The following WDPCP variants were observed in gnomAD, a reference collection of about 807,000 sequenced individuals.
The protein encoded by WDPCP is WD repeat containing planar cell polarity effector.
A neutral mutation model predicts 93.1 loss-of-function variants in WDPCP; 71 were observed. The observed-to-expected ratio is 0.76, with a 90% CI of 0.63 to 0.93. The LOEUF is 0.93. Ranked by LOEUF, WDPCP falls within the 40% of genes least tolerant of loss-of-function variation. The probability of loss-of-function intolerance (pLI) is 0.00; values close to 1 mark genes in which losing one functional copy is unlikely to be tolerated. For synonymous variants in WDPCP, 315 were observed against 315.0 expected, an observed-to-expected ratio of 1.00 and a Z score of 0.00; for missense variants, 844 against 887.4, an observed-to-expected ratio of 0.95 and a Z score of 0.62.
At position 63,439,762 on chromosome 2, in the gene WDPCP, C is replaced by A; in HGVS notation, c.494G>T (p.Ser165Ile). ...LVGKLISDTI[S>I]DALLTDSFII... The stretch of plus-strand genomic sequence containing the variant: ...TTGCACATGGGGGTAATTACCATCA[C>A]TGATGGTGTCTGAGATGAGCTTCCC... The change falls in exon 7 of 18, where the codon AGT becomes ATT. Residue 165 changes from serine to isoleucine, a missense_variant. Coordinates refer to ENST00000272321, the MANE Select transcript of WDPCP (RefSeq NM_015910.7). The A allele has an allele frequency of 6.2e-7, 1 of 1,611,392 alleles. No individual in the cohort carries two copies. Among genetic ancestry groups the A allele is most frequent in the East Asian group, 2.2e-5 (1 of 44,850 alleles).
chr2:63,374,763 TAA>T (rs1419890252), intron 12 of WDPCP, among the ~76,000 whole-genome samples: 1 of 152,178 alleles, frequency 6.6e-6, no homozygotes, highest in Non-Finnish European at 1.5e-5. Flanking sequence ...AGAGCAAAGT[TAA>T]AAGATTATCT....
At chr2:63,731,172 G>C (rs151286189) in intron 2 of WDPCP, among the ~76,000 whole-genome samples, 1 of 151,854 alleles carries the variant, frequency 6.6e-6, no homozygotes, top group African/African-American at 2.4e-5. Flanking sequence ...GGGAGGCTGA[G>C]GCAGGAGAAT....
rs545799321 is a variant in WDPCP, at chr2:63,676,716, C to T, written n.309-25878G>A. ...TATAAAGGAATAACACAGGGAGTGA[C>T]GGTATAGTTGAGTATCTCATTTGTG... On this transcript the variant is annotated intron_variant and non_coding_transcript_variant, in intron 2 of 4. Transcript: ENST00000467687. Among the ~76,000 whole-genome samples, 10 of 152,042 alleles carry T rather than the reference C, an allele frequency of 6.6e-5. No homozygotes were observed. In the South Asian group the frequency reaches 1.0e-3, roughly 16 times the overall value.
At chr2:63,527,699 T>C (rs2106207162) in intron 1 of WDPCP, among the ~76,000 whole-genome samples, 1 of 152,226 alleles carries the variant, frequency 6.6e-6, no homozygotes, top group South Asian at 2.1e-4. Flanking sequence ...TGTGTCTTTA[T>C]AGCAGCATGA....
At chr2:63,677,149 G>A (rs765646712) in intron 2 of WDPCP, among the ~76,000 whole-genome samples, 7 of 152,170 alleles carry the variant, frequency 4.6e-5, no homozygotes, top group Admixed American at 3.3e-4. Context: ...AACCAGTATT[G>A]AGAACCACTG....
intron 2 of WDPCP, among the ~76,000 whole-genome samples, chr2:63,791,162 C>T (rs1000437098): frequency 2.0e-5 from 3 of 152,088 alleles, no homozygotes; most frequent in Admixed American, 6.6e-5. Context: ...ATCATTTAGC[C>T]CCACATATAA....
intron 1 of WDPCP, among the ~76,000 whole-genome samples, chr2:63,824,537 C>CAAAAA (rs70965144): frequency 1.2e-5 from 1 of 85,322 alleles, no homozygotes; most frequent in Non-Finnish European, 2.1e-5. Flanking sequence ...GACCATGTTT[C>CAAAAA]AAAAAAAAAA....
At chr2:63,802,281 TAAAAAAAAAAAAAAAAAAAAA>T (rs58717654) in intron 2 of WDPCP, among the ~76,000 whole-genome samples, 25 of 54,408 alleles carry the variant, frequency 4.6e-4, no homozygotes, top group Non-Finnish European at 5.2e-4. Flanking sequence ...CCCTCTCTCT[TAAAAAAAAAAAAAAAAAAAAA>T]AAAAAAAAAA....
chr2:63,608,624 CA>C (rs1709580118), intron 3 of WDPCP, among the ~76,000 whole-genome samples: 1 of 151,938 alleles, frequency 6.6e-6, no homozygotes, highest in African/African-American at 2.4e-5. Context: ...GCCTGGGCAA[CA>C]AAACAAGACC....
intron 14 of WDPCP, among the ~76,000 whole-genome samples, chr2:63,256,414 A>G (rs1681153811): frequency 6.6e-6 from 1 of 152,126 alleles, no homozygotes; most frequent in South Asian, 2.1e-4. Flanking sequence ...TACCTTTTCC[A>G]CCGGAATGGC....
chr2:63,348,427 A>ATTCT (rs1427904034), intron 12 of WDPCP, among the ~76,000 whole-genome samples: 1 of 152,218 alleles, frequency 6.6e-6, no homozygotes, highest in Non-Finnish European at 1.5e-5. Flanking sequence ...TAGAGGGGCT[A>ATTCT]TTCTTAATTA....
chr2:63,212,954 A>G (rs1676962382), intron 14 of WDPCP, among the ~76,000 whole-genome samples: 1 of 152,224 alleles, frequency 6.6e-6, no homozygotes, highest in African/African-American at 2.4e-5. Flanking sequence ...CCAGTACAGG[A>G]GCACCCAGAT....
In WDPCP at chr2:63,717,493, C is replaced by T. The variant is rs1436047867; in HGVS notation, n.309-66655G>A. On this transcript the variant is annotated intron_variant and non_coding_transcript_variant, in intron 2 of 4. Transcript: ENST00000467687. ...GGGCGGCAAAGATGTGTCAGATGAG[C>T]ATTTAAGAGAATACATCTCGAACAA... 3 of 426,178 alleles carry T rather than the reference C, an allele frequency of 7.0e-6. No homozygotes were observed. The East Asian group carries it at 1.8e-4, about 26-fold the overall frequency. The allele number at this position is 426,178 out of a possible 1,614,324, so 26.4% of individuals were successfully genotyped here. A position where few individuals can be genotyped will look rare whatever the true frequency, so the allele number is the denominator to read the frequency against.
intron 14 of WDPCP, among the ~76,000 whole-genome samples, chr2:63,213,047 A>G (rs1037919106): frequency 2.0e-5 from 3 of 152,228 alleles, no homozygotes; most frequent in Non-Finnish European, 4.4e-5. Context: ...CCCCACTGTC[A>G]ACATTAGACA....
In WDPCP at chr2:63,809,737, A is replaced by G. The variant is rs1670833565; in HGVS notation, n.308+3885T>C. 4.6e-5 allele frequency among the ~76,000 whole-genome samples: 7 copies of G among 151,604 alleles called. No homozygotes were observed. In the South Asian group the frequency reaches 1.3e-3, roughly 27 times the overall value. ...AGCATGCTCGTTAAGAGTCATCACC[A>G]CTCCCTAATCTCAAGGACCCAGGGA... On this transcript the variant is annotated intron_variant and non_coding_transcript_variant, in intron 2 of 4. Coordinates refer to the WDPCP transcript ENST00000467687.
intron 13 of WDPCP, among the ~76,000 whole-genome samples, chr2:63,312,732 G>T (rs904353623): frequency 4.6e-5 from 7 of 152,088 alleles, no homozygotes; most frequent in Admixed American, 3.9e-4. Flanking sequence ...CTAATAAATG[G>T]GAGGGCCAGA....
chr2:63,383,377 A>G (rs1430167151), intron 10 of WDPCP, among the ~76,000 whole-genome samples: 1 of 152,178 alleles, frequency 6.6e-6, no homozygotes, highest in Non-Finnish European at 1.5e-5. Context: ...GAAATAATAA[A>G]GCAAAAACTG....
At chr2:63,672,518 A>T (rs1710358822) in intron 2 of WDPCP, among the ~76,000 whole-genome samples, 1 of 152,154 alleles carries the variant, frequency 6.6e-6, no homozygotes, top group Non-Finnish European at 1.5e-5. Flanking sequence ...TCTAAACAAG[A>T]AGACATTTTA....
intron 14 of WDPCP, among the ~76,000 whole-genome samples, chr2:63,212,287 G>T (rs542232826): frequency 2.0e-5 from 3 of 152,298 alleles, no homozygotes; most frequent in African/African-American, 7.2e-5. Flanking sequence ...AACTCTACAA[G>T]CCAGAAGAGA....
Sources: gnomAD v4.1 joint callset for allele counts (sites outside exome capture counted in the v4.1 genomes callset) on GRCh38, gnomAD v4.1.1 for gene constraint, MANE v1.5 for transcripts, NCBI Gene and HGNC (gene_info 2026-07-23, HGNC 2026-07-21) for gene names.